RREB1: variants seen among roughly 807,000 people sequenced by gnomAD.
RREB1 encodes the protein ras responsive element binding protein 1.
A neutral mutation model predicts 117.8 loss-of-function variants in RREB1; 27 were observed. The ratio of observed to expected loss-of-function variants is 0.23; its 90% CI spans 0.17 to 0.32. The LOEUF (loss-of-function observed/expected upper bound fraction) is 0.32, where lower values mean the gene tolerates loss of function less well. Among genes scored for constraint, RREB1 ranks in the 10% least tolerant of loss-of-function variants. The pLI is 1.00. For missense variants in RREB1, 2,577 were observed against 2,378.2 expected (o/e 1.08, Z -1.74); for synonymous variants, 1,298 against 1,026.7 (o/e 1.26, Z -5.05).
chr6:7,150,371 G>C (rs1763062568), intron 1 of RREB1, among the ~76,000 whole-genome samples: 1 of 152,176 alleles, frequency 6.6e-6, no homozygotes, highest in African/African-American at 2.4e-5. Context: ...ATATAGGTTG[G>C]TATAAATTTT....
intron 8 of RREB1, among the ~76,000 whole-genome samples, chr6:7,223,729 A>G (rs1012601283): frequency 2.6e-5 from 4 of 152,216 alleles, no homozygotes; most frequent in African/African-American, 4.8e-5. Context: ...ACGTACACAC[A>G]TACACATTCT....
intron 10 of RREB1, among the ~76,000 whole-genome samples, chr6:7,238,821 G>T (rs901419204): frequency 1.3e-5 from 2 of 152,168 alleles, no homozygotes; most frequent in African/African-American, 2.4e-5. Context: ...TCTTAAAAGC[G>T]CCTGAGGAGA....
intron 10 of RREB1, among the ~76,000 whole-genome samples, chr6:7,239,382 A>T (rs193025496): frequency 1.0e-3 from 153 of 152,266 alleles, no homozygotes; most frequent in African/African-American, 3.5e-3. Flanking sequence ...CCGCCTCCTG[A>T]AGGCCCCTGA....
chr6:7,223,579 G>T (rs1244700387), intron 8 of RREB1, among the ~76,000 whole-genome samples: 1 of 94,986 alleles, frequency 1.1e-5, no homozygotes, highest in Non-Finnish European at 2.1e-5. Flanking sequence ...AAAAAAAGGT[G>T]AAGAGTATTC....
At chr6:7,242,166 A>T (rs1768746743) in intron 11 of RREB1, among the ~76,000 whole-genome samples, 1 of 152,210 alleles carries the variant, frequency 6.6e-6, no homozygotes, top group Non-Finnish European at 1.5e-5. Flanking sequence ...TTCCATGTTT[A>T]CAAATAAGTC....
At chr6:7,148,017 G>T (rs1396886052) in intron 1 of RREB1, among the ~76,000 whole-genome samples, 1 of 152,170 alleles carries the variant, frequency 6.6e-6, no homozygotes, top group Non-Finnish European at 1.5e-5. Context: ...GTAGTATATT[G>T]CTTATGTAGA....
intron 1 of RREB1, among the ~76,000 whole-genome samples, chr6:7,130,012 A>G (rs1762085333): frequency 2.6e-5 from 4 of 152,102 alleles, no homozygotes; most frequent in African/African-American, 9.7e-5. Context: ...TGGTGAACCT[A>G]CTTGTCCCAG....
chr6:7,182,834 A>C (rs1289884865), intron 4 of RREB1, among the ~76,000 whole-genome samples: 1 of 152,238 alleles, frequency 6.6e-6, no homozygotes, highest in Non-Finnish European at 1.5e-5. Context: ...AGTTTGGTTT[A>C]ACTAATTTAA....
intron 1 of RREB1, among the ~76,000 whole-genome samples, chr6:7,151,613 T>A (rs757824041): frequency 7.2e-5 from 11 of 152,150 alleles, no homozygotes; most frequent in Non-Finnish European, 1.5e-4. Context: ...GGGCTGAGAT[T>A]TAGGTGCAAG....
chr6:7,242,292 G>A (rs1477769856), intron 11 of RREB1, among the ~76,000 whole-genome samples: 2 of 152,174 alleles, frequency 1.3e-5, no homozygotes, highest in Non-Finnish European at 2.9e-5. Flanking sequence ...GGAATTTGTG[G>A]TCTTAGCTTC....
At chr6:7,232,500 G>T (rs1006107191) in intron 10 of RREB1, among the ~76,000 whole-genome samples, 1 of 152,164 alleles carries the variant, frequency 6.6e-6, no homozygotes, top group Non-Finnish European at 1.5e-5. Flanking sequence ...AATGAGTGGT[G>T]GTAGAATGTT....
intron 6 of RREB1, among the ~76,000 whole-genome samples, chr6:7,209,482 A>G (rs1270155134): frequency 2.0e-5 from 3 of 152,138 alleles, no homozygotes; most frequent in Non-Finnish European, 4.4e-5. Context: ...GAACAAAGCT[A>G]CTTGTTCCCA....
chr6:7,151,868 T>G (rs1763139754), intron 1 of RREB1, among the ~76,000 whole-genome samples: 3 of 152,242 alleles, frequency 2.0e-5, no homozygotes, highest in Admixed American at 2.0e-4. Context: ...ATTTATAAGC[T>G]CCCAGGAATT....
Position 7,187,181 on chromosome 6 carries a change from C to G in RREB1, c.172-253C>G, listed in dbSNP as rs532178727. Among the ~76,000 whole-genome samples, 4 of 152,294 alleles carry G rather than the reference C, an allele frequency of 2.6e-5. No homozygotes were observed. In the South Asian group the frequency reaches 8.3e-4, roughly 32 times the overall value. ...TACTGACTATGATCCCAGCACTGTT[C>G]TAGTGCTTGGCATGTGGTAATTTAA... On this transcript the variant is annotated intron_variant, in intron 4 of 12. Coordinates refer to ENST00000379938, the MANE Select transcript of RREB1 (RefSeq NM_001003699.4).
intron 1 of RREB1, among the ~76,000 whole-genome samples, chr6:7,175,742 T>G (rs1456596702): frequency 2.0e-5 from 3 of 152,150 alleles, no homozygotes; most frequent in Non-Finnish European, 2.9e-5. Context: ...AGAGCAGACT[T>G]GCTCAAACTT....
At chr6:7,206,861 A>G (rs1456665799) in intron 6 of RREB1, among the ~76,000 whole-genome samples, 1 of 152,292 alleles carries the variant, frequency 6.6e-6, no homozygotes, top group South Asian at 2.1e-4. Flanking sequence ...AGTTGGATGC[A>G]TTTGAGGGAC....
In RREB1 at chr6:7,229,891, C is replaced by G. The variant is rs1767819414; in HGVS notation, c.1792C>G (p.Gln598Glu). Reference sequence around the variant, plus strand: ...GCCTGAGATGAAGACGCAGCTGGAGCAGGACAGCATCATCGAGGCCCTGCT... The same window carrying G: ...GCCTGAGATGAAGACGCAGCTGGAGGAGGACAGCATCATCGAGGCCCTGCT... The part of the protein sequence containing the change: ...GQPEMKTQLE[Q>E]DSIIEALLPL... The change falls in exon 10 of 13, where the codon CAG (glutamine) becomes GAG (glutamate). Residue 598 changes from glutamine to glutamate, a missense_variant. By Grantham distance (29) the Gln-to-Glu change is conservative (BLOSUM62 2). Transcript: ENST00000379938. This position sits in a 1 kb window ranked among gnomAD's most constrained non-coding sequence, Gnocchi z 4.5. The G allele has an allele frequency of 6.2e-7, 1 of 1,608,722 alleles. No homozygotes were observed. The highest frequency in any genetic ancestry group is 8.5e-7 in the Non-Finnish European group (1 of 1,177,050).
chr6:7,198,552 G>A (rs1021217688), intron 6 of RREB1, among the ~76,000 whole-genome samples: 1 of 152,148 alleles, frequency 6.6e-6, no homozygotes, highest in Non-Finnish European at 1.5e-5. Flanking sequence ...AGGGGTTCGT[G>A]TAAATGTGAT....
intron 6 of RREB1, among the ~76,000 whole-genome samples, chr6:7,199,049 T>C (rs1372018193): frequency 6.6e-6 from 1 of 152,242 alleles, no homozygotes; most frequent in Non-Finnish European, 1.5e-5. Flanking sequence ...TAAACAAATT[T>C]AGCCTTTCTT....
Sources: gnomAD v4.1 joint callset for allele counts (sites outside exome capture counted in the v4.1 genomes callset) on GRCh38, gnomAD v4.1.1 for gene constraint, Gnocchi (gnomAD v3.1) non-coding constraint, MANE v1.5 for transcripts, NCBI Gene and HGNC (gene_info 2026-07-23, HGNC 2026-07-21) for gene names.